The following ROBO2 variants were observed in gnomAD, a reference collection of about 807,000 sequenced individuals.
The protein encoded by ROBO2 is roundabout guidance receptor 2.
Under a neutral mutation model 160.8 loss-of-function variants are expected in ROBO2, and 53 were observed. The ratio of observed to expected loss-of-function variants is 0.33; its 90% confidence interval spans 0.26 to 0.41. The LOEUF is 0.41. Among genes scored for constraint, ROBO2 ranks in the 10% least tolerant of loss-of-function variants. The probability of loss-of-function intolerance (pLI) is 1.00; values close to 1 mark genes in which losing one functional copy is unlikely to be tolerated. For missense variants in ROBO2, 1,577 were observed against 1,722.4 expected, an observed-to-expected ratio of 0.92 and a Z score of 1.49; for synonymous variants, 664 against 611.7, an observed-to-expected ratio of 1.09 and a Z score of -1.26.
chr3:76,029,414 G>A (rs995438660), intron 2 of ROBO2, among the ~76,000 whole-genome samples: 3 of 151,938 alleles, frequency 2.0e-5, no homozygotes, highest in Non-Finnish European at 2.9e-5. Flanking sequence ...TGTGCACAAT[G>A]TGCAGGTTTG....
intron 2 of ROBO2, among the ~76,000 whole-genome samples, chr3:75,979,931 C>T (rs2065231208): frequency 6.6e-6 from 1 of 151,400 alleles, no homozygotes; most frequent in Admixed American, 6.6e-5. Flanking sequence ...AATTCCATTT[C>T]CTAAAAAATA....
At chr3:77,296,554 C>G (rs530564507) in intron 2 of ROBO2, among the ~76,000 whole-genome samples, 3 of 152,208 alleles carry the variant, frequency 2.0e-5, no homozygotes, top group East Asian at 3.9e-4. Flanking sequence ...ATTACTGATA[C>G]CCGAGTCCCA....
intron 2 of ROBO2, among the ~76,000 whole-genome samples, chr3:76,002,211 ACT>A (rs2107569012): frequency 6.6e-6 from 1 of 152,198 alleles, no homozygotes; most frequent in East Asian, 1.9e-4. Flanking sequence ...ATCCAATATG[ACT>A]CTGTCCTTAC....
chr3:76,681,534 G>A (rs2092561266), intron 2 of ROBO2, among the ~76,000 whole-genome samples: 1 of 151,874 alleles, frequency 6.6e-6, no homozygotes, highest in South Asian at 2.1e-4. Flanking sequence ...TTTTGGGTGA[G>A]GTGATCAATG....
intron 2 of ROBO2, among the ~76,000 whole-genome samples, chr3:76,893,859 A>G (rs2074551602): frequency 6.6e-6 from 1 of 152,050 alleles, no homozygotes; most frequent in Non-Finnish European, 1.5e-5. Context: ...AGCATCTATC[A>G]TTCTGCTCTT....
chr3:76,242,596 C>A (rs532040894), intron 2 of ROBO2, among the ~76,000 whole-genome samples: 1 of 152,212 alleles, frequency 6.6e-6, no homozygotes, highest in African/African-American at 2.4e-5. Flanking sequence ...CAAGAAATCC[C>A]ACATCTAGGC....
intron 2 of ROBO2, among the ~76,000 whole-genome samples, chr3:76,804,710 GC>G (rs2064533771): frequency 6.6e-6 from 1 of 152,044 alleles, no homozygotes. Flanking sequence ...TAATAATAGT[GC>G]CAACCTCCTA....
Position 76,163,725 on chromosome 3 carries a change from G to T in ROBO2, c.109+226123G>T, listed in dbSNP as rs574678920. Among the ~76,000 whole-genome samples the T allele has an allele frequency of 2.0e-5, 3 of 151,150 alleles. No homozygotes were observed. The East Asian group carries it at 5.9e-4, about 30-fold the overall frequency. The stretch of plus-strand genomic sequence containing the variant: ...CAGCCTAAGTGTGCAATAGCATTAT[G>T]TGTAGAAATGCACATACCATAATTA... On this transcript the variant is annotated intron_variant, in intron 2 of 26. Coordinates refer to the ROBO2 transcript ENST00000487694.
intron 2 of ROBO2, among the ~76,000 whole-genome samples, chr3:77,321,694 A>G (rs1387378416): frequency 2.0e-5 from 3 of 152,160 alleles, no homozygotes; most frequent in Non-Finnish European, 4.4e-5. Flanking sequence ...TAACCACTAC[A>G]AAAGGATTTA....
At chr3:77,211,828 G>T (rs2084212531) in intron 2 of ROBO2, among the ~76,000 whole-genome samples, 1 of 152,150 alleles carries the variant, frequency 6.6e-6, no homozygotes, top group South Asian at 2.1e-4. Flanking sequence ...TTATTAAATA[G>T]GGAATCCTTT....
At chr3:77,088,503 G>A (rs920788386) in intron 1 of ROBO2, among the ~76,000 whole-genome samples, 2 of 152,038 alleles carry the variant, frequency 1.3e-5, no homozygotes, top group Non-Finnish European at 2.9e-5. Context: ...CATCACTTAG[G>A]TATTAACCCC....
At chr3:77,183,316 A>G (rs1483527757) in intron 2 of ROBO2, among the ~76,000 whole-genome samples, 1 of 152,006 alleles carries the variant, frequency 6.6e-6, no homozygotes, top group Non-Finnish European at 1.5e-5. Flanking sequence ...TATAATACTT[A>G]TGGGCTGAGT....
At chr3:76,628,155 C>G (rs1469715259) in intron 2 of ROBO2, among the ~76,000 whole-genome samples, 1 of 152,168 alleles carries the variant, frequency 6.6e-6, no homozygotes, top group Non-Finnish European at 1.5e-5. Context: ...AGTGTGCCTG[C>G]TACTTGATTT....
At chr3:76,679,640 C>T (rs2092505275) in intron 2 of ROBO2, among the ~76,000 whole-genome samples, 1 of 152,078 alleles carries the variant, frequency 6.6e-6, no homozygotes, top group Non-Finnish European at 1.5e-5. Context: ...ATACTTTATT[C>T]TAGAAGCTGT....
intron 2 of ROBO2, among the ~76,000 whole-genome samples, chr3:76,932,898 C>T (rs374797978): frequency 2.2e-4 from 34 of 152,110 alleles, no homozygotes; most frequent in East Asian, 7.7e-4. Context: ...AAGCTGCCCC[C>T]GCCCCGGCCC....
intron 2 of ROBO2, among the ~76,000 whole-genome samples, chr3:76,052,223 G>A (rs1040874406): frequency 7.9e-5 from 12 of 152,052 alleles, no homozygotes; most frequent in African/African-American, 2.9e-4. Flanking sequence ...AGGAAGAGCT[G>A]CCAATTCTGT....
chr3:77,401,502 C>T lies in ROBO2; in HGVS notation c.389-75912C>T, dbSNP rs148204367. On this transcript the variant is annotated intron_variant, in intron 2 of 25. Coordinates refer to ENST00000461745, the Ensembl canonical transcript of ROBO2. Reference sequence around the variant, plus strand: ...TGCACTGTACATTTTGAAGACTATCCTACCTCTTTAAACAGGGAGATACAG... The same window carrying T: ...TGCACTGTACATTTTGAAGACTATCTTACCTCTTTAAACAGGGAGATACAG... Among the ~76,000 whole-genome samples, 333 of 152,218 alleles carry T rather than the reference C, an allele frequency of 2.2e-3. 1 individual carries two copies. The highest frequency in any genetic ancestry group is 7.8e-3 in the African/African-American group (322 of 41,538).
At chr3:77,299,975 A>C (rs1201939510) in intron 2 of ROBO2, among the ~76,000 whole-genome samples, 1 of 151,860 alleles carries the variant, frequency 6.6e-6, no homozygotes, top group African/African-American at 2.4e-5. Context: ...TTTCCGTGTC[A>C]CTCATCATAT....
intron 2 of ROBO2, among the ~76,000 whole-genome samples, chr3:76,428,467 T>A (rs2076305894): frequency 6.6e-6 from 1 of 152,180 alleles, no homozygotes; most frequent in Non-Finnish European, 1.5e-5. Flanking sequence ...ACTATATGTC[T>A]ATTTCGAATG....
Sources: gnomAD v4.1 joint callset for allele counts (sites outside exome capture counted in the v4.1 genomes callset) on GRCh38, gnomAD v4.1.1 for gene constraint, MANE v1.5 for transcripts, NCBI Gene and HGNC (gene_info 2026-07-23, HGNC 2026-07-21) for gene names.